The following SOBP variants were observed in gnomAD, a reference collection of about 807,000 sequenced individuals.
SOBP encodes sine oculis binding protein homolog, also known as sine oculis-binding protein homolog.
Under a neutral mutation model 53.6 loss-of-function variants are expected in SOBP, and 4 were observed. That is an observed-to-expected ratio of 0.07 (90% CI 0.04 to 0.17). The LOEUF (loss-of-function observed/expected upper bound fraction) is 0.17, where lower values mean the gene tolerates loss of function less well. Ranked by LOEUF, SOBP falls within the 10% of genes least tolerant of loss-of-function variation. SOBP has a pLI of 1.00. For synonymous variants in SOBP, 584 were observed against 522.6 expected, an observed-to-expected ratio of 1.12 and a Z score of -1.60; for missense variants, 1,088 against 1,204.7, an observed-to-expected ratio of 0.90 and a Z score of 1.43.
intron 4 of SOBP, among the ~76,000 whole-genome samples, chr6:107,544,105 G>T (rs13218447): frequency 0.12 from 18,817 of 152,160 alleles, 1,691 homozygotes; most frequent in East Asian, 0.46. Context: ...CTTTGGAGTA[G>T]AAGTCTGATG....
intron 6 of SOBP, among the ~76,000 whole-genome samples, chr6:107,641,873 T>C (rs967182525): frequency 6.6e-6 from 1 of 152,210 alleles, no homozygotes; most frequent in Non-Finnish European, 1.5e-5. Flanking sequence ...CGCCCCGCCT[T>C]TTCCAGACTT....
intron 5 of SOBP, among the ~76,000 whole-genome samples, chr6:107,621,917 A>G (rs1175491429): frequency 1.3e-5 from 2 of 152,126 alleles, no homozygotes; most frequent in Admixed American, 1.3e-4. Flanking sequence ...TCTGGGTTTT[A>G]TTTTTGCAGT....
intron 5 of SOBP, among the ~76,000 whole-genome samples, chr6:107,614,853 C>A (rs1474449488): frequency 6.6e-6 from 1 of 152,144 alleles, no homozygotes; most frequent in Non-Finnish European, 1.5e-5. Flanking sequence ...TTAAAATATG[C>A]CCCTCCTTGT....
At chr6:107,549,064 G>A (rs565111719) in intron 4 of SOBP, among the ~76,000 whole-genome samples, 27 of 152,184 alleles carry the variant, frequency 1.8e-4, no homozygotes, top group East Asian at 1.2e-3. Context: ...TCAGGAGATC[G>A]AGACCATCTG....
intron 5 of SOBP, among the ~76,000 whole-genome samples, chr6:107,601,117 T>C (rs1786163398): frequency 1.3e-5 from 2 of 152,202 alleles, no homozygotes; most frequent in Admixed American, 1.3e-4. Flanking sequence ...GTCTCTCCTA[T>C]GTCTAGGGAG....
chr6:107,512,867 T>A (rs911749202), intron 3 of SOBP, among the ~76,000 whole-genome samples: 9 of 152,324 alleles, frequency 5.9e-5, no homozygotes, highest in African/African-American at 2.2e-4. Context: ...ACATTTTAGA[T>A]CTGAGTCTTT....
chr6:107,600,559 T>G (rs769253920), intron 5 of SOBP, among the ~76,000 whole-genome samples: 2 of 152,058 alleles, frequency 1.3e-5, no homozygotes, highest in Non-Finnish European at 2.9e-5. Flanking sequence ...AGACCAAAAT[T>G]CATGGGTTTG....
intron 6 of SOBP, among the ~76,000 whole-genome samples, chr6:107,648,214 A>G (rs1208672100): frequency 6.6e-6 from 1 of 152,166 alleles, no homozygotes; most frequent in Non-Finnish European, 1.5e-5. Flanking sequence ...TAGAGAAGTA[A>G]CACACTTAAT....
At chr6:107,602,677 A>C (rs1786229760) in intron 5 of SOBP, among the ~76,000 whole-genome samples, 1 of 152,106 alleles carries the variant, frequency 6.6e-6, no homozygotes, top group Non-Finnish European at 1.5e-5. Flanking sequence ...CTAAAGGCTC[A>C]GGTTATGTGA....
chr6:107,660,552 G>T lies in SOBP; in HGVS notation c.*2349G>T, dbSNP rs1772253503. ...AAATGGAGGCAAACATGCTCCACGG[G>T]TTCCACTCACATCCACACACCATCT... On this transcript the variant is annotated 3_prime_UTR_variant, in exon 7 of 7. Coordinates refer to ENST00000317357, the MANE Select transcript of SOBP (RefSeq NM_018013.4). Among the ~76,000 whole-genome samples the T allele has an allele frequency of 6.6e-6, 1 of 152,114 alleles. No individual in the cohort carries two copies. The highest frequency in any genetic ancestry group is 6.5e-5 in the Admixed American group (1 of 15,272).
chr6:107,587,172 A>G lies in SOBP; in HGVS notation c.666A>G (p.Leu222=). 1 of 1,612,172 alleles carries G rather than the reference A, an allele frequency of 6.2e-7. No homozygotes were observed. The highest frequency in any genetic ancestry group is 8.5e-7 in the Non-Finnish European group (1 of 1,178,672). ...PRLAFKNNCE[L]LVCDWCKHIR... ...TTGCCTTCAAGAATAACTGCGAACT[A>G]CTTGTAAGAATAACATACTTACAAC... is the stretch of plus-strand genomic sequence containing the variant. Residue 222 remains leucine (L), a synonymous_variant, in exon 5 of 7, where the codon CTA becomes CTG. Transcript: ENST00000317357.
At chr6:107,605,402 T>G (rs1028457356) in intron 5 of SOBP, among the ~76,000 whole-genome samples, 1 of 152,222 alleles carries the variant, frequency 6.6e-6, no homozygotes, top group Non-Finnish European at 1.5e-5. Context: ...AGATTATGGC[T>G]TCTAATTAAA....
intron 4 of SOBP, among the ~76,000 whole-genome samples, chr6:107,536,770 A>G (rs538318926): frequency 6.6e-6 from 1 of 152,324 alleles, no homozygotes; most frequent in East Asian, 1.9e-4. Context: ...ACCATGAATC[A>G]CAGCTGTATT....
intron 5 of SOBP, among the ~76,000 whole-genome samples, chr6:107,632,282 TTTC>T (rs1770746462): frequency 6.6e-6 from 1 of 152,124 alleles, no homozygotes; most frequent in African/African-American, 2.4e-5. Context: ...TTCACAATTC[TTTC>T]TTTGCTGCTA....
At position 107,634,877 on chromosome 6, in the gene SOBP, C is replaced by G; in HGVS notation, c.2033C>G (p.Ala678Gly). ...CGCGCGCTGCACGCGCACGTCAAGGCGGAGCGCGAGCCGAGCGCCGCGGAG... is the reference window on the plus strand; with the variant it reads ...CGCGCGCTGCACGCGCACGTCAAGGGGGAGCGCGAGCCGAGCGCCGCGGAG... ...IHRALHAHVK[A>G]EREPSAAERR... Residue 678 changes from alanine (A) to glycine (G), a missense_variant, in exon 6 of 7, where the codon GCG becomes GGG. By Grantham distance (60) the Ala-to-Gly change is moderately conservative. Coordinates refer to ENST00000317357, the MANE Select transcript of SOBP (RefSeq NM_018013.4). This position sits in a 1 kb window ranked among gnomAD's most constrained non-coding sequence, Gnocchi z 4.5. 1 of 1,346,746 alleles carries G rather than the reference C, an allele frequency of 7.4e-7. No individual in the cohort carries two copies. Among genetic ancestry groups the G allele is most frequent in the East Asian group, 3.5e-5 (1 of 28,496 alleles). 83.4% of individuals were successfully genotyped at this position (1,346,746 alleles called of 1,614,324 possible). A position where few individuals can be genotyped will look rare whatever the true frequency, so the allele number is the denominator to read the frequency against.
At chr6:107,504,712 C>T (rs1180750634) in intron 2 of SOBP, among the ~76,000 whole-genome samples, 1 of 152,224 alleles carries the variant, frequency 6.6e-6, no homozygotes, top group Non-Finnish European at 1.5e-5. Flanking sequence ...TAGAGCTTTC[C>T]CTTCTTATAT....
intron 4 of SOBP, among the ~76,000 whole-genome samples, chr6:107,549,437 ATAGAAACT>A (rs1784402541): frequency 1.2e-5 from 1 of 86,556 alleles, no homozygotes; most frequent in African/African-American, 4.8e-5. Flanking sequence ...CCAGAATTAA[ATAGAAACT>A]CAGGAAAAAA....
chr6:107,638,746 C>T (rs1306344085), intron 6 of SOBP, among the ~76,000 whole-genome samples: 2 of 152,096 alleles, frequency 1.3e-5, no homozygotes, highest in African/African-American at 4.8e-5. Flanking sequence ...TGAATGATTT[C>T]TCCGTGTGCT....
At chr6:107,633,115 C>T (rs1770789614) in intron 5 of SOBP, among the ~76,000 whole-genome samples, 1 of 152,164 alleles carries the variant, frequency 6.6e-6, no homozygotes, top group Non-Finnish European at 1.5e-5. Flanking sequence ...ATTTCAAGCC[C>T]ATTGAACTTT....
Sources: gnomAD v4.1 joint callset for allele counts (sites outside exome capture counted in the v4.1 genomes callset) on GRCh38, gnomAD v4.1.1 for gene constraint, Gnocchi (gnomAD v3.1) non-coding constraint, MANE v1.5 for transcripts, NCBI Gene and HGNC (gene_info 2026-07-23, HGNC 2026-07-21) for gene names.